The following ICA1 variants were observed in gnomAD, a reference collection of about 807,000 sequenced individuals.
ICA1 encodes the protein 69 kDa islet cell autoantigen.
ICA1 carries 40 observed loss-of-function variants against 71.0 expected under a neutral mutation model. The observed-to-expected ratio is 0.56, with a 90% confidence interval of 0.44 to 0.73. The LOEUF is 0.73. Among genes scored for constraint, ICA1 ranks in the 30% least tolerant of loss-of-function variants. The pLI is 0.00. For synonymous variants in ICA1, 207 were observed against 209.5 expected, an observed-to-expected ratio of 0.99 and a Z score of 0.10; for missense variants, 578 against 576.5, an observed-to-expected ratio of 1.00 and a Z score of -0.03.
chr7:8,177,035 T>A (rs1272170425), intron 6 of ICA1, among the ~76,000 whole-genome samples: 3 of 152,234 alleles, frequency 2.0e-5, no homozygotes, highest in African/African-American at 4.8e-5. Flanking sequence ...CTTCGTCTAC[T>A]ACTCTCTTTC....
At chr7:8,207,073 C>T (rs962602954) in intron 6 of ICA1, among the ~76,000 whole-genome samples, 6 of 152,182 alleles carry the variant, frequency 3.9e-5, no homozygotes, top group African/African-American at 1.4e-4. Context: ...ATTAATCTAT[C>T]TTGAGAAACA....
At chr7:8,126,006 G>T (rs1260933940) in intron 13 of ICA1, among the ~76,000 whole-genome samples, 2 of 152,184 alleles carry the variant, frequency 1.3e-5, no homozygotes, top group Non-Finnish European at 2.9e-5. Flanking sequence ...GCATAGTCTG[G>T]CAGCCCCACT....
intron 1 of ICA1, among the ~76,000 whole-genome samples, chr7:8,256,693 G>A (rs1366148168): frequency 1.3e-5 from 2 of 152,172 alleles, no homozygotes; most frequent in Non-Finnish European, 2.9e-5. Flanking sequence ...TCTCCTTCAA[G>A]GAGCTAATTA....
chr7:8,177,643 A>T (rs1407702466), intron 6 of ICA1, among the ~76,000 whole-genome samples: 1 of 152,176 alleles, frequency 6.6e-6, no homozygotes, highest in Admixed American at 6.6e-5. Context: ...TTGGCTGCCT[A>T]AGCTAAACCT....
At chr7:8,162,248 G>A (rs1415410987) in intron 6 of ICA1, among the ~76,000 whole-genome samples, 3 of 152,112 alleles carry the variant, frequency 2.0e-5, no homozygotes, top group African/African-American at 7.2e-5. Context: ...ATTTTGTAAG[G>A]TAATTTTAGA....
chr7:8,166,861 G>A (rs953151186), intron 6 of ICA1, among the ~76,000 whole-genome samples: 1 of 150,564 alleles, frequency 6.6e-6, no homozygotes, highest in Admixed American at 6.7e-5. Flanking sequence ...AGAAGACATG[G>A]CCAAGAAGCA....
At chr7:8,186,857 T>C (rs1362797337) in intron 6 of ICA1, among the ~76,000 whole-genome samples, 4 of 152,214 alleles carry the variant, frequency 2.6e-5, no homozygotes, top group Non-Finnish European at 5.9e-5. Flanking sequence ...ATTCCAGTAA[T>C]GTTGTCTCCA....
intron 6 of ICA1, among the ~76,000 whole-genome samples, chr7:8,163,498 G>A (rs2128212477): frequency 6.6e-6 from 1 of 152,256 alleles, no homozygotes; most frequent in Middle Eastern, 3.4e-3. Flanking sequence ...GGCACAAATG[G>A]AATCGATAGT....
intron 1 of ICA1, among the ~76,000 whole-genome samples, chr7:8,252,081 T>C (rs1458030925): frequency 6.6e-6 from 1 of 152,190 alleles, no homozygotes; most frequent in South Asian, 2.1e-4. Flanking sequence ...ATGGGTTACC[T>C]CTGCTAAAGA....
intron 12 of ICA1, 80 bp from the exon 13 acceptor site, chr7:8,128,222 G>A (rs1307868535): frequency 2.1e-6 from 3 of 1,429,148 alleles, no homozygotes; most frequent in South Asian, 1.3e-5. Context: ...GGCTGCGAAG[G>A]GGGAGACTGG....
At chr7:8,243,603 A>G (rs1211006393) in intron 1 of ICA1, among the ~76,000 whole-genome samples, 4 of 152,226 alleles carry the variant, frequency 2.6e-5, no homozygotes, top group African/African-American at 4.8e-5. Flanking sequence ...AGCATATTCA[A>G]TTAGGAAAAG....
intron 8 of ICA1, among the ~76,000 whole-genome samples, chr7:8,152,655 A>C (rs1187257995): frequency 2.9e-3 from 420 of 142,386 alleles, no homozygotes; most frequent in African/African-American, 0.011. Flanking sequence ...CACCACCACC[A>C]CCACCACCAC....
At chr7:8,256,496 C>G (rs1031121395) in intron 1 of ICA1, among the ~76,000 whole-genome samples, 1 of 152,136 alleles carries the variant, frequency 6.6e-6, no homozygotes, top group African/African-American at 2.4e-5. Flanking sequence ...GGAATGCCCT[C>G]CCCCTCCTTT....
intron 6 of ICA1, among the ~76,000 whole-genome samples, chr7:8,190,900 T>A (rs1192624268): frequency 6.6e-6 from 1 of 152,218 alleles, no homozygotes; most frequent in Non-Finnish European, 1.5e-5. Context: ...TTTGACTTAG[T>A]GCAGAAAAAT....
chr7:8,198,363 G>C (rs1454724369), intron 6 of ICA1, among the ~76,000 whole-genome samples: 1 of 152,210 alleles, frequency 6.6e-6, no homozygotes, highest in East Asian at 1.9e-4. Context: ...TGATGTTATT[G>C]CAACAGAAAA....
At chr7:8,184,939 T>A (rs750360628) in intron 6 of ICA1, among the ~76,000 whole-genome samples, 1 of 152,114 alleles carries the variant, frequency 6.6e-6, no homozygotes, top group Non-Finnish European at 1.5e-5. Flanking sequence ...TTAGGCTTGG[T>A]GGCGTGCGCC....
chr7:8,224,778 C>A (rs1402135579), intron 4 of ICA1, among the ~76,000 whole-genome samples: 1 of 152,190 alleles, frequency 6.6e-6, no homozygotes, highest in African/African-American at 2.4e-5. Context: ...AAATCTGTGA[C>A]CGTTCCTTAG....
intron 6 of ICA1, among the ~76,000 whole-genome samples, chr7:8,188,214 A>G (rs532857870): frequency 4.1e-4 from 63 of 152,358 alleles, no homozygotes; most frequent in South Asian, 6.2e-4. Context: ...ATAGAACCAA[A>G]ATAAATAAGA....
intron 3 of ICA1, among the ~76,000 whole-genome samples, chr7:8,231,887 A>G (rs184342350): frequency 6.6e-6 from 1 of 152,332 alleles, no homozygotes; most frequent in East Asian, 1.9e-4. Context: ...TTTTAGTCCC[A>G]TTAAATGTTC....
Sources: allele counts gnomAD v4.1 joint callset (sites outside exome capture counted in the v4.1 genomes callset), GRCh38; gene constraint gnomAD v4.1.1; transcripts MANE v1.5; gene names NCBI Gene and HGNC (gene_info 2026-07-23, HGNC 2026-07-21).